Variants in RAD51B observed in about 807,000 individuals in gnomAD.
The protein encoded by RAD51B is DNA repair protein RAD51 homolog 2.
In RAD51B, 38 loss-of-function variants were observed where a neutral mutation model predicts 42.2. The observed-to-expected ratio is 0.90, with a 90% confidence interval of 0.70 to 1.18. RAD51B has a LOEUF of 1.18. RAD51B is among the 50% of genes most tolerant of loss of function. The pLI, the probability that RAD51B is intolerant of heterozygous loss-of-function variation, is 0.00. For missense variants in RAD51B, 373 were observed against 400.7 expected (o/e 0.93, Z 0.59); for synonymous variants, 154 against 145.2 (o/e 1.06, Z -0.43).
intron 7 of RAD51B, among the ~76,000 whole-genome samples, chr14:68,087,920 TTATATATAATTATATAATTTATTATTA>T (rs1566634372): frequency 4.4e-4 from 51 of 115,594 alleles, no homozygotes; most frequent in African/African-American, 2.0e-3. Flanking sequence ...ATATAATATA[TTATATATAATTATATAATTTATTATTA>T]TATATAATTA....
intron 7 of RAD51B, among the ~76,000 whole-genome samples, chr14:68,284,877 T>A (rs1419872877): frequency 6.6e-6 from 1 of 152,124 alleles, no homozygotes; most frequent in Admixed American, 6.5e-5. Flanking sequence ...AAATATTGGG[T>A]ATCTCTATAC....
chr14:68,262,443 A>C lies in RAD51B; in HGVS notation c.757-29441A>C, dbSNP rs1210737896. Among the ~76,000 whole-genome samples the C allele has an allele frequency of 4.6e-5, 7 of 152,280 alleles. 1 individual carries two copies. The East Asian group carries it at 5.8e-4, about 13-fold the overall frequency. ...GAGTTTGTTTAATCAGATGCAGAAA[A>C]TGTTCTGATTTGGTAGTAAAGAAAG... is the stretch of plus-strand genomic sequence containing the variant. On this transcript the variant is annotated intron_variant, in intron 7 of 10. Coordinates refer to ENST00000471583, the MANE Select transcript of RAD51B (RefSeq NM_133510.4).
At chr14:68,287,324 A>G (rs766290499) in intron 7 of RAD51B, among the ~76,000 whole-genome samples, 20 of 152,242 alleles carry the variant, frequency 1.3e-4, no homozygotes, top group Admixed American at 3.9e-4. Flanking sequence ...TGTAAGCAGC[A>G]TACAGTTAAG....
In RAD51B at chr14:68,020,398, A is replaced by C. The variant is rs527448396; in HGVS notation, c.756+133194A>C. ...AATGCTAGGATTACAGGTGTGAGCC[A>C]TTGCACCAGCCTCTTTGCTTTTTTA... is the stretch of plus-strand genomic sequence containing the variant. On this transcript the variant is annotated intron_variant, in intron 7 of 10. Transcript: ENST00000471583. 2.0e-5 allele frequency among the ~76,000 whole-genome samples: 3 copies of C among 152,324 alleles called. No homozygotes were observed. The South Asian group carries it at 6.2e-4, about 32-fold the overall frequency.
In RAD51B at chr14:68,319,681, G is replaced by A. The variant is rs1281332143; in HGVS notation, c.853+27701G>A. Among the ~76,000 whole-genome samples the A allele has an allele frequency of 7.2e-5, 11 of 152,164 alleles. 1 individual carries two copies. Among genetic ancestry groups the A allele is most frequent in the Non-Finnish European group, 1.6e-4 (11 of 68,038 alleles). ...GCTTCTGTGTTCCAGCTTTAACTCAGAGGATCAGGTCAGAATGGAGGCTCC... is the reference window on the plus strand; with the variant it reads ...GCTTCTGTGTTCCAGCTTTAACTCAAAGGATCAGGTCAGAATGGAGGCTCC... On this transcript the variant is annotated intron_variant, in intron 8 of 10. Coordinates refer to ENST00000471583, the MANE Select transcript of RAD51B (RefSeq NM_133510.4).
chr14:67,938,379 A>G (rs1162258451), intron 7 of RAD51B, among the ~76,000 whole-genome samples: 1 of 152,230 alleles, frequency 6.6e-6, no homozygotes, highest in Non-Finnish European at 1.5e-5. Flanking sequence ...TTTCTAACAA[A>G]TAATACTTTT....
At chr14:68,031,907 C>A (rs903096839) in intron 7 of RAD51B, among the ~76,000 whole-genome samples, 4 of 151,996 alleles carry the variant, frequency 2.6e-5, no homozygotes, top group Admixed American at 2.0e-4. Context: ...GACTTTTTTT[C>A]TTTTCCTAAA....
At chr14:68,243,972 T>G (rs1385830871) in intron 7 of RAD51B, among the ~76,000 whole-genome samples, 1 of 152,210 alleles carries the variant, frequency 6.6e-6, no homozygotes, top group Admixed American at 6.5e-5. Flanking sequence ...TCAATTTTGT[T>G]AAACTGATGT....
chr14:68,631,098 CTG>C (rs1892217264), intron 10 of RAD51B, among the ~76,000 whole-genome samples: 1 of 152,044 alleles, frequency 6.6e-6, no homozygotes, highest in Admixed American at 6.5e-5. Flanking sequence ...CAAATGCTCA[CTG>C]GAGTTAAGCC....
chr14:67,949,639 C>A (rs2074406298), intron 7 of RAD51B, among the ~76,000 whole-genome samples: 1 of 152,214 alleles, frequency 6.6e-6, no homozygotes, highest in Admixed American at 6.5e-5. Flanking sequence ...TTAATGGCAT[C>A]TAGAATGGTA....
In RAD51B at chr14:68,409,266, A is replaced by T. The variant is rs187613683; in HGVS notation, c.854-2158A>T. On this transcript the variant is annotated intron_variant, in intron 8 of 10. Transcript: ENST00000471583. The stretch of plus-strand genomic sequence containing the variant: ...TTATAGTAGAAAATATTTTTCTATA[A>T]GTCTATTTCTATCAAAAAGGGGAAA... 2.1e-4 allele frequency among the ~76,000 whole-genome samples: 32 copies of T among 152,344 alleles called. No individual in the cohort carries two copies. The East Asian group carries it at 5.6e-3, about 27-fold the overall frequency.
At chr14:68,045,225 A>G (rs991429421) in intron 7 of RAD51B, among the ~76,000 whole-genome samples, 3 of 144,410 alleles carry the variant, frequency 2.1e-5, no homozygotes, top group Non-Finnish European at 3.0e-5. Flanking sequence ...AACAAGAGCG[A>G]AACTCTGTCT....
At chr14:68,535,220 G>A (rs748863025) in intron 10 of RAD51B, among the ~76,000 whole-genome samples, 1 of 152,082 alleles carries the variant, frequency 6.6e-6, no homozygotes, top group Non-Finnish European at 1.5e-5. Context: ...TGGAGACTGA[G>A]GTTAAAAGTT....
At chr14:68,454,897 A>T (rs979052685) in intron 9 of RAD51B, among the ~76,000 whole-genome samples, 3 of 152,206 alleles carry the variant, frequency 2.0e-5, no homozygotes, top group Non-Finnish European at 4.4e-5. Flanking sequence ...TCCTACATAC[A>T]CCAGGAATCT....
intron 7 of RAD51B, among the ~76,000 whole-genome samples, chr14:68,191,049 G>A (rs1029333613): frequency 6.6e-6 from 1 of 151,918 alleles, no homozygotes; most frequent in Non-Finnish European, 1.5e-5. Flanking sequence ...TTTAAAAAAA[G>A]AGACAATATC....
At chr14:68,095,194 A>G (rs955733892) in intron 7 of RAD51B, among the ~76,000 whole-genome samples, 1 of 152,258 alleles carries the variant, frequency 6.6e-6, no homozygotes, top group African/African-American at 2.4e-5. Context: ...TAGAAATTAG[A>G]TGAATGAGTT....
intron 7 of RAD51B, among the ~76,000 whole-genome samples, chr14:67,895,196 CA>C (rs2043371473): frequency 6.6e-6 from 1 of 152,152 alleles, no homozygotes; most frequent in Non-Finnish European, 1.5e-5. Context: ...AAATGAAGGC[CA>C]GTTGTAGCTC....
intron 4 of RAD51B, among the ~76,000 whole-genome samples, chr14:67,844,119 T>C (rs151318407): frequency 1.1e-3 from 160 of 152,292 alleles, no homozygotes; most frequent in African/African-American, 3.8e-3. Context: ...CAAAAGTCAC[T>C]CAGGAGCAGG....
chr14:68,238,134 C>G (rs928430712), intron 7 of RAD51B, among the ~76,000 whole-genome samples: 2 of 152,162 alleles, frequency 1.3e-5, no homozygotes. Flanking sequence ...ATTTTACATT[C>G]CCACCATCAA....
Sources: allele counts gnomAD v4.1 joint callset (sites outside exome capture counted in the v4.1 genomes callset), GRCh38; gene constraint gnomAD v4.1.1; transcripts MANE v1.5; gene names NCBI Gene and HGNC (gene_info 2026-07-23, HGNC 2026-07-21).